The following SYT16 variants were observed in gnomAD, a reference collection of about 807,000 sequenced individuals.
SYT16 encodes the protein synaptotagmin-16.
SYT16 carries 42 observed loss-of-function variants against 61.4 expected under a neutral mutation model. The ratio of observed to expected loss-of-function variants is 0.68; its 90% CI spans 0.53 to 0.89. The LOEUF is 0.89. SYT16 is among the 40% of genes least tolerant of loss of function. The pLI is 0.00. For synonymous variants in SYT16, 314 were observed against 302.3 expected, an observed-to-expected ratio of 1.04 and a Z score of -0.40; for missense variants, 804 against 807.3, an observed-to-expected ratio of 1.00 and a Z score of 0.05.
intron 4 of SYT16, among the ~76,000 whole-genome samples, chr14:62,070,472 T>G (rs1259824945): frequency 6.6e-6 from 1 of 152,118 alleles, no homozygotes; most frequent in Admixed American, 6.5e-5. Flanking sequence ...CATCCTAAAT[T>G]TACATTTCAC....
At chr14:61,884,847 A>G (rs2047838464) in intron 1 of SYT16, among the ~76,000 whole-genome samples, 2 of 152,204 alleles carry the variant, frequency 1.3e-5, no homozygotes, top group African/African-American at 4.8e-5. Flanking sequence ...TAGGGCAGAA[A>G]GTCAATAAAT....
At chr14:62,017,117 C>T (rs7146131) in intron 3 of SYT16, among the ~76,000 whole-genome samples, 3 of 151,850 alleles carry the variant, frequency 2.0e-5, no homozygotes, top group East Asian at 3.9e-4. Context: ...TATTGAATTG[C>T]GGGGATTTAA....
chr14:62,039,874 C>T (rs1321109489), intron 3 of SYT16, among the ~76,000 whole-genome samples: 1 of 97,336 alleles, frequency 1.0e-5, no homozygotes, highest in East Asian at 2.6e-4. Context: ...CACACACACA[C>T]ACACGCACAT....
intron 1 of SYT16, among the ~76,000 whole-genome samples, chr14:61,849,242 G>T (rs957476288): frequency 6.6e-6 from 1 of 152,154 alleles, no homozygotes; most frequent in African/African-American, 2.4e-5. Flanking sequence ...GAAGGAAGGA[G>T]TCTTTTTTGG....
intron 1 of SYT16, among the ~76,000 whole-genome samples, chr14:61,968,717 CAA>C (rs957794719): frequency 6.6e-6 from 1 of 152,166 alleles, no homozygotes; most frequent in African/African-American, 2.4e-5. Flanking sequence ...CACTGAAGCA[CAA>C]AGAGGTTAAA....
intron 1 of SYT16, among the ~76,000 whole-genome samples, chr14:61,967,456 G>A (rs1353553499): frequency 1.3e-5 from 2 of 152,160 alleles, no homozygotes; most frequent in Admixed American, 6.5e-5. Context: ...CAAAATCAAG[G>A]TGTTGGCAGG....
chr14:62,027,811 T>C (rs2054159475), intron 3 of SYT16, among the ~76,000 whole-genome samples: 1 of 152,218 alleles, frequency 6.6e-6, no homozygotes, highest in South Asian at 2.1e-4. Context: ...TCTTGTGTTC[T>C]CCTTTTTTGC....
At chr14:61,906,783 G>A (rs866250931) in intron 1 of SYT16, among the ~76,000 whole-genome samples, 7 of 57,748 alleles carry the variant, frequency 1.2e-4, no homozygotes, top group East Asian at 1.1e-3. Context: ...CCATCCGTCC[G>A]TCCGTCCATC....
At chr14:61,881,150 C>A (rs1225062345) in intron 1 of SYT16, among the ~76,000 whole-genome samples, 1 of 152,174 alleles carries the variant, frequency 6.6e-6, no homozygotes, top group Non-Finnish European at 1.5e-5. Context: ...TTGGCTCTTG[C>A]AAAGTTCCCT....
chr14:61,898,520 T>C (rs930202693), intron 1 of SYT16, among the ~76,000 whole-genome samples: 1 of 152,100 alleles, frequency 6.6e-6, no homozygotes, highest in Non-Finnish European at 1.5e-5. Flanking sequence ...ATGGAGGAAA[T>C]CCCGGGGCCA....
At chr14:61,991,849 T>C (rs1016118728) in intron 2 of SYT16, among the ~76,000 whole-genome samples, 7 of 152,094 alleles carry the variant, frequency 4.6e-5, no homozygotes, top group African/African-American at 1.4e-4. Context: ...GCAGAAAGGG[T>C]GTTAAAAGTC....
At chr14:61,912,491 T>G (rs982790278) in intron 1 of SYT16, among the ~76,000 whole-genome samples, 1 of 152,212 alleles carries the variant, frequency 6.6e-6, no homozygotes, top group Non-Finnish European at 1.5e-5. Flanking sequence ...GGCCTTTATG[T>G]TTGCTGTCTA....
chr14:62,038,796 G>A (rs1566786455), intron 3 of SYT16, among the ~76,000 whole-genome samples: 1 of 152,192 alleles, frequency 6.6e-6, no homozygotes, highest in East Asian at 1.9e-4. Flanking sequence ...CTGGGCTTCA[G>A]TAACTTCATC....
chr14:61,953,951 A>G (rs1187499675), intron 1 of SYT16, among the ~76,000 whole-genome samples: 1 of 152,222 alleles, frequency 6.6e-6, no homozygotes, highest in East Asian at 1.9e-4. Context: ...GTTTGAAAAC[A>G]TCATAGAATG....
At chr14:62,045,439 T>C (rs901790090) in intron 3 of SYT16, among the ~76,000 whole-genome samples, 7 of 152,228 alleles carry the variant, frequency 4.6e-5, no homozygotes, top group Non-Finnish European at 7.4e-5. Flanking sequence ...ATGTTTTGTA[T>C]TTTTCTTTTT....
At chr14:62,034,803 A>G (rs2054444055) in intron 3 of SYT16, among the ~76,000 whole-genome samples, 2 of 152,180 alleles carry the variant, frequency 1.3e-5, no homozygotes, top group African/African-American at 2.4e-5. Context: ...TGATGGTTGC[A>G]TAAGTCTGTA....
At chr14:61,978,869 C>T (rs1595068559) in intron 2 of SYT16, among the ~76,000 whole-genome samples, 1 of 152,174 alleles carries the variant, frequency 6.6e-6, no homozygotes, top group South Asian at 2.1e-4. Flanking sequence ...TTGACTTCTG[C>T]ACAGGGAATA....
intron 1 of SYT16, among the ~76,000 whole-genome samples, chr14:61,964,936 T>TACGCAC (rs2051253975): frequency 6.6e-6 from 1 of 151,882 alleles, no homozygotes; most frequent in East Asian, 1.9e-4. Context: ...TTAATTAAGG[T>TACGCAC]ATGCACATGG....
chr14:61,915,490 T>A (rs2049087417), intron 1 of SYT16, among the ~76,000 whole-genome samples: 1 of 152,172 alleles, frequency 6.6e-6, no homozygotes, highest in Non-Finnish European at 1.5e-5. Flanking sequence ...GGAACAAGTT[T>A]AGGACAACTT....
Sources: gnomAD v4.1 joint callset for allele counts (sites outside exome capture counted in the v4.1 genomes callset) on GRCh38, gnomAD v4.1.1 for gene constraint, MANE v1.5 for transcripts, NCBI Gene and HGNC (gene_info 2026-07-23, HGNC 2026-07-21) for gene names.